Variants in AMTN observed in about 807,000 individuals in gnomAD.
The protein encoded by AMTN is RSTI689.
Under a neutral mutation model 27.4 loss-of-function variants are expected in AMTN, and 29 were observed. The observed-to-expected ratio is 1.06, with a 90% CI of 0.79 to 1.44. AMTN has a LOEUF of 1.44. Among genes scored for constraint, AMTN ranks in the 40% most tolerant of loss-of-function variants. The pLI is 0.00. For missense variants in AMTN, 247 were observed against 248.8 expected (o/e 0.99, Z 0.05); for synonymous variants, 86 against 95.7 (o/e 0.90, Z 0.59).
Position 70,531,246 on chromosome 4 carries a change from G to T in AMTN, c.565G>T (p.Gly189Cys), listed in dbSNP as rs2109775946. The stretch of plus-strand genomic sequence containing the variant: ...CGACTTTGCAGTGACCACCCCTGCA[G>T]GCATCCAAAGGAGCACACATGCCAT... ...DDDFAVTTPA[G>C]IQRSTHAIEE... Residue 189 changes from glycine to cysteine, a missense_variant, in exon 8 of 9, where the codon GGC becomes TGC. Coordinates refer to ENST00000339336, the MANE Select transcript of AMTN (RefSeq NM_212557.4). 3.1e-6 allele frequency: 5 copies of T among 1,614,032 alleles called. No individual in the cohort carries two copies. Among genetic ancestry groups the T allele is most frequent in the Non-Finnish European group, 4.2e-6 (5 of 1,179,964 alleles).
At chr4:70,522,045 A>G (rs547455059) in intron 2 of AMTN, among the ~76,000 whole-genome samples, 2 of 152,290 alleles carry the variant, frequency 1.3e-5, no homozygotes, top group African/African-American at 4.8e-5. Context: ...GCCTTCCAGG[A>G]TGCCTCCAGG....
chr4:70,531,282 A>C lies in AMTN; in HGVS notation c.601A>C (p.Thr201Pro). The C allele has an allele frequency of 6.2e-7, 1 of 1,613,854 alleles. No individual in the cohort carries two copies. The highest frequency in any genetic ancestry group is 8.5e-7 in the Non-Finnish European group (1 of 1,179,780). ...QRSTHAIEEA[T>P]TESANGIQ ...GAGCACACATGCCATCGAGGAAGCC[A>C]CCACAGAATCAGCAAATGGTAAATT... Residue 201 changes from threonine (T) to proline (P), a missense_variant, in exon 8 of 9, where the codon ACC (threonine) becomes CCC (proline). Thr to Pro is a conservative substitution (Grantham distance 38). Transcript: ENST00000339336.
chr4:70,523,792 T>C (rs1736030403), intron 3 of AMTN, 76 bp from the exon 4 acceptor site: 2 of 1,279,658 alleles, frequency 1.6e-6, no homozygotes, highest in East Asian at 4.6e-5. Context: ...GTCAATTACA[T>C]GAGGATATCC....
At chr4:70,531,461 T>C (rs1165603692) in intron 8 of AMTN, among the ~76,000 whole-genome samples, 161 bp downstream of exon 8, 1 of 152,156 alleles carries the variant, frequency 6.6e-6, no homozygotes. Context: ...AGGGAATATT[T>C]TTACTCAGCC....
At chr4:70,521,640 C>CTCTTTTT (rs1560572110) in intron 2 of AMTN, among the ~76,000 whole-genome samples, 4 of 76,470 alleles carry the variant, frequency 5.2e-5, no homozygotes, top group Admixed American at 1.6e-4. Flanking sequence ...ACCAACCTCT[C>CTCTTTTT]TTTTTTTTTT....
chr4:70,529,336 T>A (rs1736166333), intron 7 of AMTN, 126 bp downstream of exon 7: 1 of 546,202 alleles, frequency 1.8e-6, no homozygotes, highest in African/African-American at 2.0e-5. Context: ...TGAACATTTT[T>A]ATAGTTCCTT....
rs1054504099 is a variant in AMTN, at chr4:70,532,559, T to C, written c.*94T>C. On this transcript the variant is annotated 3_prime_UTR_variant, in exon 9 of 9. Transcript: ENST00000339336. ...ATATTATGGAATAGATTGAGACACA[T>C]TGGATAGTCTTAGAAGAAATTAATT... 5.2e-5 allele frequency: 58 copies of C among 1,119,652 alleles called. No individual in the cohort carries two copies. The highest frequency in any genetic ancestry group is 2.2e-5 in the Non-Finnish European group (17 of 758,828). The allele number at this position is 1,119,652 out of a possible 1,614,324, so 69.4% of individuals were successfully genotyped here.
Position 70,524,918 on chromosome 4 carries a change from T to C in AMTN, c.251T>C (p.Leu84Ser). ...GMTPGTQTHP[L>S]TLGGLNVQQQ... Reference sequence around the variant, plus strand: ...ACACCTGGTACCCAGACCCACCCATTGACCCTGGGAGGGTTGAATGTACAA... The same window carrying C: ...ACACCTGGTACCCAGACCCACCCATCGACCCTGGGAGGGTTGAATGTACAA... The change falls in exon 5 of 9, where the codon TTG (leucine) becomes TCG (serine). Residue 84 changes from leucine (L) to serine (S), a missense_variant. Physicochemically the swap from Leu to Ser is moderately radical, Grantham distance 145. Transcript: ENST00000339336. 6.2e-7 allele frequency: 1 copy of C among 1,614,072 alleles called. No individual in the cohort carries two copies. Among genetic ancestry groups the C allele is most frequent in the Non-Finnish European group, 8.5e-7 (1 of 1,179,958 alleles).
intron 5 of AMTN, among the ~76,000 whole-genome samples, chr4:70,526,178 T>C (rs1396560630): frequency 1.3e-5 from 2 of 152,196 alleles, no homozygotes; most frequent in African/African-American, 4.8e-5. Flanking sequence ...AATCAAACAC[T>C]GTCAACATTC....
chr4:70,530,997 G>A, intron 7 of AMTN, 42 bp from the exon 8 acceptor site: 1 of 1,606,830 alleles, frequency 6.2e-7, no homozygotes. Flanking sequence ...AAGAAAATGT[G>A]TTGCTTTTAA....
chr4:70,526,746 G>A (rs943382148), intron 5 of AMTN, among the ~76,000 whole-genome samples: 2 of 152,096 alleles, frequency 1.3e-5, no homozygotes, highest in Non-Finnish European at 2.9e-5. Flanking sequence ...AGGCATTAGT[G>A]GAGCCTGGAG....
chr4:70,523,929 A>G lies in AMTN; in HGVS notation c.200A>G (p.His67Arg). The G allele has an allele frequency of 6.2e-7, 1 of 1,612,280 alleles. No homozygotes were observed. The highest frequency in any genetic ancestry group is 8.5e-7 in the Non-Finnish European group (1 of 1,178,446). ...TQMLTLGPDLHLLNPAAGMTP... is the reference protein window; with the variant it reads ...TQMLTLGPDLRLLNPAAGMTP... ...ATGCTCACACTGGGGCCAGATCTGC[A>G]TCTGGTAAGTGATTGTTTATATTAT... Residue 67 changes from histidine to arginine, a missense_variant, in exon 4 of 9, where the codon CAT becomes CGT. Coordinates refer to ENST00000339336, the MANE Select transcript of AMTN (RefSeq NM_212557.4).
In AMTN at chr4:70,532,704, C is replaced by A; in HGVS notation, c.*239C>A. The A allele has an allele frequency of 2.3e-6, 1 of 434,662 alleles. No individual in the cohort carries two copies. Among genetic ancestry groups the A allele is most frequent in the Non-Finnish European group, 4.1e-6 (1 of 245,484 alleles). 26.9% of individuals were successfully genotyped at this position (434,662 alleles called of 1,614,324 possible). ...GTCTTTGAAATATAACATTATGCTGCCTGGATGATATGCATATTAAAACAT... is the reference window on the plus strand; with the variant it reads ...GTCTTTGAAATATAACATTATGCTGACTGGATGATATGCATATTAAAACAT... On this transcript the variant is annotated 3_prime_UTR_variant, in exon 9 of 9. Transcript: ENST00000339336.
At chr4:70,518,862 G>A (rs35692424) in intron 2 of AMTN, 31 bp downstream of exon 2, 647,446 of 1,573,498 alleles carry the variant, frequency 0.41, 139,289 homozygotes, top group Admixed American at 0.46. Flanking sequence ...TTATATGCCA[G>A]CCAGTTTCAA....
In AMTN at chr4:70,532,514, G is replaced by A. The variant is rs550071945; in HGVS notation, c.*49G>A. The A allele has an allele frequency of 2.4e-5, 38 of 1,553,770 alleles. No individual in the cohort carries two copies. The East Asian group carries it at 2.9e-4, about 12-fold the overall frequency. On this transcript the variant is annotated 3_prime_UTR_variant, in exon 9 of 9. Coordinates refer to ENST00000339336, the MANE Select transcript of AMTN (RefSeq NM_212557.4). ...AGCTGCCTCGAATTTGGTGATACATGTGAATCTTTATCATTGATTATATTA... is the reference window on the plus strand; with the variant it reads ...AGCTGCCTCGAATTTGGTGATACATATGAATCTTTATCATTGATTATATTA...
At position 70,531,079 on chromosome 4, in the gene AMTN, C is replaced by T. The variant is rs753945509; in HGVS notation, c.398C>T (p.Pro133Leu). Residue 133 changes from proline to leucine, a missense_variant, in exon 8 of 9, where the codon CCG becomes CTG. Pro to Leu is a moderately conservative substitution (Grantham distance 98). Transcript: ENST00000339336. Reference protein sequence around the residue: ...FTSLIIHSLFPGGILPTSQAG... With the variant: ...FTSLIIHSLFLGGILPTSQAG... ...AGCCTCATCATCCATTCCTTGTTCCCGGGAGGCATCCTGCCCACCAGTCAG... is the reference window on the plus strand; with the variant it reads ...AGCCTCATCATCCATTCCTTGTTCCTGGGAGGCATCCTGCCCACCAGTCAG... The T allele has an allele frequency of 1.5e-5, 25 of 1,613,878 alleles. No individual in the cohort carries two copies. The highest frequency in any genetic ancestry group is 8.0e-5 in the African/African-American group (6 of 74,914).
At chr4:70,524,199 C>T (rs74750514) in intron 4 of AMTN, among the ~76,000 whole-genome samples, 2,386 of 152,232 alleles carry the variant, frequency 0.016, 55 homozygotes, top group African/African-American at 0.053. Flanking sequence ...CCTCCTCTCT[C>T]CATTCCTCCA....
At chr4:70,519,035 T>C (rs1577930425) in intron 2 of AMTN, among the ~76,000 whole-genome samples, 2 of 152,208 alleles carry the variant, frequency 1.3e-5, no homozygotes, top group South Asian at 2.1e-4. Context: ...TTTTTTTAAA[T>C]GCATCCACTC....
At chr4:70,518,882 T>A in intron 2 of AMTN, 51 bp downstream of exon 2, 1 of 1,435,762 alleles carries the variant, frequency 7.0e-7, no homozygotes, top group Non-Finnish European at 9.8e-7. Flanking sequence ...ACAGCATCTC[T>A]AGCTGCAGAC....
Sources: gnomAD v4.1 joint callset for allele counts (sites outside exome capture counted in the v4.1 genomes callset) on GRCh38, gnomAD v4.1.1 for gene constraint, MANE v1.5 for transcripts, NCBI Gene and HGNC (gene_info 2026-07-23, HGNC 2026-07-21) for gene names.